UNC5D: variants seen among roughly 807,000 people sequenced by gnomAD.
The protein encoded by UNC5D is unc-5 netrin receptor D, also known as netrin receptor UNC5D.
Under a neutral mutation model 105.4 loss-of-function variants are expected in UNC5D, and 39 were observed. The ratio of observed to expected loss-of-function variants is 0.37; its 90% CI spans 0.29 to 0.48. The LOEUF (loss-of-function observed/expected upper bound fraction) is 0.48, where lower values mean the gene tolerates loss of function less well. UNC5D is among the 20% of genes least tolerant of loss of function. The pLI is 0.98. For missense variants in UNC5D, 991 were observed against 1,202.4 expected (o/e 0.82, Z 2.60); for synonymous variants, 452 against 450.4 (o/e 1.00, Z -0.04).
At chr8:35,384,218 C>CAA (rs35939640) in intron 1 of UNC5D, among the ~76,000 whole-genome samples, 22 of 108,806 alleles carry the variant, frequency 2.0e-4, no homozygotes, top group African/African-American at 3.4e-4. Context: ...GACTCCATTT[C>CAA]AAAAAAAAAA....
intron 4 of UNC5D, among the ~76,000 whole-genome samples, chr8:35,621,079 C>G (rs1821333567): frequency 6.6e-6 from 1 of 152,176 alleles, no homozygotes; most frequent in African/African-American, 2.4e-5. Flanking sequence ...TGGCCACATC[C>G]AGTTGTGACA....
At chr8:35,780,583 GAA>G (rs1020513128) in intron 16 of UNC5D, among the ~76,000 whole-genome samples, 1 of 151,726 alleles carries the variant, frequency 6.6e-6, no homozygotes, top group Non-Finnish European at 1.5e-5. Context: ...GAAGGGAGGG[GAA>G]AAAAAAGAGG....
At chr8:35,765,753 A>C (rs1026063026) in intron 14 of UNC5D, among the ~76,000 whole-genome samples, 1 of 152,174 alleles carries the variant, frequency 6.6e-6, no homozygotes, top group Non-Finnish European at 1.5e-5. Flanking sequence ...TAGTCTCATG[A>C]CCCATGCTGG....
chr8:35,265,989 T>C (rs967041455), intron 1 of UNC5D, among the ~76,000 whole-genome samples: 1 of 151,886 alleles, frequency 6.6e-6, no homozygotes, highest in African/African-American at 2.4e-5. Flanking sequence ...GGGCTATGTA[T>C]TGATAATTGT....
At chr8:35,361,607 A>T (rs182208951) in intron 1 of UNC5D, among the ~76,000 whole-genome samples, 1 of 152,288 alleles carries the variant, frequency 6.6e-6, no homozygotes, top group Admixed American at 6.5e-5. Flanking sequence ...ACTAATGGAA[A>T]TTCACAGATG....
intron 16 of UNC5D, among the ~76,000 whole-genome samples, chr8:35,783,755 G>T (rs946799222): frequency 5.9e-5 from 9 of 152,084 alleles, no homozygotes; most frequent in African/African-American, 4.8e-5. Context: ...AGAAAGGGTG[G>T]TATCTCTAGC....
At chr8:35,417,216 C>T (rs1450915590) in intron 1 of UNC5D, among the ~76,000 whole-genome samples, 1 of 152,072 alleles carries the variant, frequency 6.6e-6, no homozygotes, top group Admixed American at 6.6e-5. Context: ...CCATGTCTAC[C>T]TCTCTCCCAC....
intron 1 of UNC5D, among the ~76,000 whole-genome samples, chr8:35,305,593 CTTTCTTTCTT>C (rs1808305366): frequency 1.3e-4 from 19 of 141,970 alleles, no homozygotes; most frequent in South Asian, 4.5e-4. Flanking sequence ...TTCTTTCTTT[CTTTCTTTCTT>C]TCTTTCTTTC....
chr8:35,253,552 T>C (rs1034437822), intron 1 of UNC5D, among the ~76,000 whole-genome samples: 1 of 145,936 alleles, frequency 6.9e-6, no homozygotes. Context: ...AGTGGCACTA[T>C]CTCAGCTCAC....
rs10630575 is a variant in UNC5D at position 35,647,388 on chromosome 8, T to TTGTGTG, written c.571-36134_571-36129dup. On this transcript the variant is annotated intron_variant, in intron 4 of 16. Transcript: ENST00000404895. ...ATCCTGATTTGGAGCTCCTGTGTAT[T>TTGTGTG]TGTGTGTGTGTGTGTGTGTGTGTGT... Among the ~76,000 whole-genome samples, 595 of 147,426 alleles carry TTGTGTG rather than the reference T, an allele frequency of 4.0e-3. 4 individuals are homozygous for TTGTGTG. Among genetic ancestry groups the TTGTGTG allele is most frequent in the South Asian group, 0.011 (50 of 4,620 alleles).
rs774813864 is a variant in UNC5D at position 35,373,755 on chromosome 8, A to G, written c.103+137868A>G. 2.0e-5 allele frequency among the ~76,000 whole-genome samples: 3 copies of G among 152,190 alleles called. 1 individual carries two copies. The highest frequency in any genetic ancestry group is 1.3e-4 in the Admixed American group (2 of 15,272). On this transcript the variant is annotated intron_variant, in intron 1 of 16. Transcript: ENST00000404895. ...TATCTGCAGTTGTACACAATTTGAA[A>G]GTTTAAACCCCAGAGTTAGCTCACA...
intron 1 of UNC5D, among the ~76,000 whole-genome samples, chr8:35,433,654 T>C (rs1806802206): frequency 6.6e-6 from 1 of 151,962 alleles, no homozygotes; most frequent in South Asian, 2.1e-4. Flanking sequence ...TTAATTGGTT[T>C]ATAAACCATC....
intron 1 of UNC5D, among the ~76,000 whole-genome samples, chr8:35,249,591 A>G (rs1482035714): frequency 7.5e-6 from 1 of 132,698 alleles, no homozygotes. Context: ...AATAATAATA[A>G]TAATAATAAT....
intron 4 of UNC5D, among the ~76,000 whole-genome samples, chr8:35,661,347 C>G (rs543201445): frequency 1.3e-5 from 2 of 152,176 alleles, no homozygotes; most frequent in African/African-American, 4.8e-5. Flanking sequence ...AATATTGACT[C>G]CATGTCTTGG....
At chr8:35,512,963 G>A (rs1812856813) in intron 1 of UNC5D, among the ~76,000 whole-genome samples, 1 of 151,756 alleles carries the variant, frequency 6.6e-6, no homozygotes, top group African/African-American at 2.4e-5. Context: ...TTACAGATGT[G>A]AGCCACCATG....
At chr8:35,254,267 G>C (rs1410046374) in intron 1 of UNC5D, 1 of 152,120 alleles carries the variant, frequency 6.6e-6, no homozygotes, top group Non-Finnish European at 1.5e-5. Context: ...TGGAATTGAA[G>C]GTCTTAGAAA....
At position 35,533,817 on chromosome 8, in the gene UNC5D, C is replaced by A. The variant is rs367729567; in HGVS notation, c.104-15475C>A. Among the ~76,000 whole-genome samples, 5 of 152,282 alleles carry A rather than the reference C, an allele frequency of 3.3e-5. No individual in the cohort carries two copies. In the East Asian group the frequency reaches 9.7e-4, roughly 30 times the overall value. ...TGGGAGTAACCCGATTTTCCAAGTG[C>A]GTCCATCACCCCTTTCTTTGACTCG... On this transcript the variant is annotated intron_variant, in intron 1 of 16. Transcript: ENST00000404895.
At chr8:35,534,002 G>C (rs1019187235) in intron 1 of UNC5D, among the ~76,000 whole-genome samples, 2 of 149,488 alleles carry the variant, frequency 1.3e-5, no homozygotes, top group African/African-American at 4.9e-5. Flanking sequence ...GAAATCACCC[G>C]TCTTCTGCGT....
At chr8:35,509,207 G>T (rs1267869808) in intron 1 of UNC5D, among the ~76,000 whole-genome samples, 1 of 151,684 alleles carries the variant, frequency 6.6e-6, no homozygotes, top group Non-Finnish European at 1.5e-5. Context: ...TATATGGTGG[G>T]GTACAGGGCC....
Sources: allele counts gnomAD v4.1 joint callset (sites outside exome capture counted in the v4.1 genomes callset), GRCh38; gene constraint gnomAD v4.1.1; transcripts MANE v1.5; gene names NCBI Gene and HGNC (gene_info 2026-07-23, HGNC 2026-07-21).